The following PICALM variants were observed in gnomAD, a reference collection of about 807,000 sequenced individuals.
PICALM encodes the protein phosphatidylinositol binding clathrin assembly protein.
PICALM carries 40 observed loss-of-function variants against 80.5 expected under a neutral mutation model. That is an observed-to-expected ratio of 0.50 (90% CI 0.39 to 0.65). The LOEUF (loss-of-function observed/expected upper bound fraction) is 0.65. Among genes scored for constraint, PICALM ranks in the 30% least tolerant of loss-of-function variants. PICALM has a pLI of 0.00. For missense variants in PICALM, 676 were observed against 778.9 expected (o/e 0.87, Z 1.57); for synonymous variants, 288 against 260.3 (o/e 1.11, Z -1.02).
rs190891484 is a variant in PICALM at position 85,986,001 on chromosome 11, T to C, written c.1409-2028A>G. Reference sequence around the variant, plus strand: ...AAGAGGAGCCATCTCCTGAGGTGCCTAGAGGTACCAATCTGTGAAATTATG... The same window carrying C: ...AAGAGGAGCCATCTCCTGAGGTGCCCAGAGGTACCAATCTGTGAAATTATG... On this transcript the variant is annotated intron_variant, in intron 13 of 19. Transcript: ENST00000393346. Among the ~76,000 whole-genome samples, 24 of 152,252 alleles carry C rather than the reference T, an allele frequency of 1.6e-4. No individual in the cohort carries two copies. The East Asian group carries it at 4.4e-3, about 28-fold the overall frequency.
intron 19 of PICALM, among the ~76,000 whole-genome samples, chr11:85,963,121 T>G (rs2093745099): frequency 6.6e-6 from 1 of 152,156 alleles, no homozygotes; most frequent in African/African-American, 2.4e-5. Context: ...AAGAACATGA[T>G]GTAGGGTTGC....
intron 17 of PICALM, among the ~76,000 whole-genome samples, chr11:85,979,929 T>C (rs959561249): frequency 2.0e-5 from 3 of 152,198 alleles, no homozygotes; most frequent in Admixed American, 1.3e-4. Flanking sequence ...GACAGGAGAA[T>C]AGCCACAGAG....
rs71040207 is a variant in PICALM at position 86,045,519 on chromosome 11, C to CAAAAAAAAAAAAAAAAAAAAAAAA, written c.131-13932_131-13909dup. Among the ~76,000 whole-genome samples, 3 of 47,770 alleles carry CAAAAAAAAAAAAAAAAAAAAAAAA rather than the reference C, an allele frequency of 6.3e-5. 1 individual carries two copies. The highest frequency in any genetic ancestry group is 1.3e-4 in the Non-Finnish European group (3 of 22,406). The allele number at this position is 47,770 out of a possible 152,430, so 31.3% of individuals were successfully genotyped here. A position where few individuals can be genotyped will look rare whatever the true frequency, so the allele number is the denominator to read the frequency against. On this transcript the variant is annotated intron_variant, in intron 1 of 19. Coordinates refer to ENST00000393346, the MANE Select transcript of PICALM (RefSeq NM_007166.4). ...CATAGTGAGACCCTGTCTTGAAATT[C>CAAAAAAAAAAAAAAAAAAAAAAAA]AAAAAAAAAAAAAAAAAAAAAAAAA...
At chr11:86,044,282 TGGTA>T (rs1192495011) in intron 1 of PICALM, among the ~76,000 whole-genome samples, 1 of 152,142 alleles carries the variant, frequency 6.6e-6, no homozygotes, top group Non-Finnish European at 1.5e-5. Flanking sequence ...ATGGCAACAG[TGGTA>T]GTGTGTCACC....
intron 1 of PICALM, among the ~76,000 whole-genome samples, chr11:86,058,386 G>A (rs1469807893): frequency 6.6e-6 from 1 of 152,186 alleles, no homozygotes; most frequent in African/African-American, 2.4e-5. Context: ...CTTTAGTGAG[G>A]AAAGAAGTTT....
chr11:86,067,199 C>G (rs1314265921), intron 1 of PICALM, among the ~76,000 whole-genome samples: 1 of 152,142 alleles, frequency 6.6e-6, no homozygotes, highest in African/African-American at 2.4e-5. Context: ...GCAAACTTTA[C>G]GGCCAAAGTC....
At chr11:85,970,327 A>G (rs2135473974) in intron 19 of PICALM, among the ~76,000 whole-genome samples, 1 of 152,372 alleles carries the variant, frequency 6.6e-6, no homozygotes, top group Non-Finnish European at 1.5e-5. Context: ...ACTTTATGGC[A>G]GGTGAAGGAC....
At chr11:85,980,576 T>C (rs1376611130) in intron 17 of PICALM, among the ~76,000 whole-genome samples, 2 of 152,298 alleles carry the variant, frequency 1.3e-5, no homozygotes, top group East Asian at 3.9e-4. Context: ...ATATATATAA[T>C]TGCCAAACAC....
chr11:85,998,835 G>C (rs1316997292), intron 11 of PICALM, among the ~76,000 whole-genome samples: 1 of 152,090 alleles, frequency 6.6e-6, no homozygotes, highest in Non-Finnish European at 1.5e-5. Flanking sequence ...ATGTTGCCCA[G>C]GCTAGCTTGT....
chr11:86,006,076 A>AT (rs2095269868), intron 8 of PICALM, among the ~76,000 whole-genome samples: 2 of 152,238 alleles, frequency 1.3e-5, no homozygotes, highest in Non-Finnish European at 2.9e-5. Flanking sequence ...ACATAAGGGA[A>AT]GCATAACAAA....
intron 7 of PICALM, among the ~76,000 whole-genome samples, chr11:86,007,955 C>G (rs1411033483): frequency 7.8e-6 from 1 of 128,592 alleles, no homozygotes; most frequent in Admixed American, 7.8e-5. Flanking sequence ...CTCTTTGATG[C>G]AAAAAAAAAA....
At chr11:85,987,582 T>C (rs2094613144) in intron 13 of PICALM, among the ~76,000 whole-genome samples, 1 of 152,212 alleles carries the variant, frequency 6.6e-6, no homozygotes, top group Non-Finnish European at 1.5e-5. Context: ...TACATAATAA[T>C]TTAGGTGAGA....
Position 85,982,423 on chromosome 11 carries a change from C to CTTTCTTTTTT in PICALM, c.1517-421_1517-420insAAAAAAGAAA, listed in dbSNP as rs1555034093. 8.3e-4 allele frequency among the ~76,000 whole-genome samples: 58 copies of CTTTCTTTTTT among 70,174 alleles called. 2 individuals carry two copies. Among genetic ancestry groups the CTTTCTTTTTT allele is most frequent in the African/African-American group, 3.4e-3 (53 of 15,472 alleles). 46.0% of individuals were successfully genotyped at this position (70,174 alleles called of 152,430 possible). ...ACGTTAAGAAATAAGATTTTATAGA[C>CTTTCTTTTTT]TTTTTTTTTTTTTTTGAGACGGAGT... is the stretch of plus-strand genomic sequence containing the variant. On this transcript the variant is annotated intron_variant, in intron 14 of 19. Coordinates refer to ENST00000393346, the MANE Select transcript of PICALM (RefSeq NM_007166.4).
At position 86,031,553 on chromosome 11, in the gene PICALM, T is replaced by C. The variant is rs2136773866; in HGVS notation, c.189A>G (p.Leu63=). The change falls in exon 2 of 20, where the codon TTA becomes TTG. Residue 63 remains leucine (L), a synonymous_variant. Coordinates refer to ENST00000393346, the MANE Select transcript of PICALM (RefSeq NM_007166.4). ...NVNIPQLADS[L]FERTTNSSWV... is the part of the protein sequence containing the mutation. ...AACTACTATTAGTAGTTCTTTCAAA[T>C]AAACTGTCTGCCAACTGTGGGATGT... The C allele has an allele frequency of 6.2e-7, 1 of 1,612,332 alleles. No homozygotes were observed. Among genetic ancestry groups the C allele is most frequent in the East Asian group, 2.2e-5 (1 of 44,846 alleles).
intron 1 of PICALM, among the ~76,000 whole-genome samples, chr11:86,039,604 A>G (rs955318334): frequency 6.6e-6 from 1 of 152,166 alleles, no homozygotes; most frequent in Admixed American, 6.5e-5. Flanking sequence ...TTCTTCCTGA[A>G]GAAGGTAACC....
chr11:86,053,594 G>C (rs183232137), intron 1 of PICALM, among the ~76,000 whole-genome samples: 5 of 152,078 alleles, frequency 3.3e-5, no homozygotes, highest in Non-Finnish European at 7.4e-5. Context: ...TTTTGAGACA[G>C]GGTCTCACTG....
chr11:85,992,801 CAGAT>C (rs1428678309), intron 12 of PICALM, among the ~76,000 whole-genome samples: 4 of 152,222 alleles, frequency 2.6e-5, no homozygotes, highest in Admixed American at 6.5e-5. Flanking sequence ...GTTCTACTGA[CAGAT>C]AGGTTTTATC....
chr11:86,061,943 T>C (rs1352878219), intron 1 of PICALM, among the ~76,000 whole-genome samples: 1 of 150,690 alleles, frequency 6.6e-6, no homozygotes, highest in African/African-American at 2.4e-5. Context: ...AAAAAAAAGC[T>C]GTCAAACCGT....
At chr11:85,999,241 A>G (rs2095070131) in intron 11 of PICALM, among the ~76,000 whole-genome samples, 1 of 152,230 alleles carries the variant, frequency 6.6e-6, no homozygotes, top group Admixed American at 6.5e-5. Context: ...GATGTACAAT[A>G]GTTGTGTAGA....
Sources: gnomAD v4.1 joint callset for allele counts (sites outside exome capture counted in the v4.1 genomes callset) on GRCh38, gnomAD v4.1.1 for gene constraint, MANE v1.5 for transcripts, NCBI Gene and HGNC (gene_info 2026-07-23, HGNC 2026-07-21) for gene names.